The following PPARGC1A variants were observed in gnomAD, a reference collection of about 807,000 sequenced individuals.
PPARGC1A encodes the protein peroxisome proliferator-activated receptor gamma coactivator 1-alpha.
In PPARGC1A, 25 loss-of-function variants were observed where a neutral mutation model predicts 88.7. The ratio of observed to expected loss-of-function variants is 0.28; its 90% CI spans 0.21 to 0.39. PPARGC1A has a LOEUF of 0.39. Among genes scored for constraint, PPARGC1A ranks in the 10% least tolerant of loss-of-function variants. The probability of loss-of-function intolerance (pLI) is 1.00; values close to 1 mark genes in which losing one functional copy is unlikely to be tolerated. For synonymous variants in PPARGC1A, 363 were observed against 355.6 expected, an observed-to-expected ratio of 1.02 and a Z score of -0.24; for missense variants, 880 against 968.7, an observed-to-expected ratio of 0.91 and a Z score of 1.22.
chr4:23,792,306 G>T lies in PPARGC1A; in HGVS notation c.*3516C>A. 1 of 152,614 alleles carries T rather than the reference G, an allele frequency of 6.6e-6. No homozygotes were observed. Among genetic ancestry groups the T allele is most frequent in the Non-Finnish European group, 1.5e-5 (1 of 68,018 alleles). 9.5% of individuals were successfully genotyped at this position (152,614 alleles called of 1,614,324 possible). ...TGTCTGTCACATAGGTACAAATTTA[G>T]AATCATCACATTATAGTACATGGCT... is the stretch of plus-strand genomic sequence containing the variant. On this transcript the variant is annotated 3_prime_UTR_variant, in exon 13 of 13. Transcript: ENST00000264867.
chr4:24,017,660 T>C, the PPARGC1A span, among the ~76,000 whole-genome samples: 2 of 152,112 alleles, frequency 1.3e-5, no homozygotes, highest in African/African-American at 4.8e-5. Flanking sequence ...AATAAAACAG[T>C]TTTTAGCAAT....
chr4:24,110,950 G>A, the PPARGC1A span, among the ~76,000 whole-genome samples: 1 of 152,076 alleles, frequency 6.6e-6, no homozygotes, highest in Non-Finnish European at 1.5e-5. Context: ...TAGATATTCT[G>A]GTAGGTCATT....
At chr4:24,204,475 G>C in the PPARGC1A span, among the ~76,000 whole-genome samples, 1 of 152,056 alleles carries the variant, frequency 6.6e-6, no homozygotes, top group South Asian at 2.1e-4. Context: ...GGGAAGGAAG[G>C]GAGGAGGAAA....
At chr4:24,244,443 T>C in the PPARGC1A span, among the ~76,000 whole-genome samples, 1 of 152,244 alleles carries the variant, frequency 6.6e-6, no homozygotes, top group African/African-American at 2.4e-5. Flanking sequence ...GCCTTCTTAA[T>C]AGGTGAAGAG....
the PPARGC1A span, among the ~76,000 whole-genome samples, chr4:23,910,868 G>T: frequency 3.3e-5 from 5 of 152,114 alleles, no homozygotes; most frequent in Admixed American, 6.5e-5. Flanking sequence ...CTTGCTCAGG[G>T]TTACACATGT....
chr4:24,387,978 G>C, the PPARGC1A span, among the ~76,000 whole-genome samples: 1 of 149,960 alleles, frequency 6.7e-6, no homozygotes, highest in African/African-American at 2.5e-5. Context: ...GAGAAAGGGA[G>C]GGAGGGAGAG....
the PPARGC1A span, among the ~76,000 whole-genome samples, chr4:24,373,031 G>A: frequency 6.6e-6 from 1 of 152,232 alleles, no homozygotes; most frequent in African/African-American, 2.4e-5. Flanking sequence ...CATGAGCATC[G>A]TCTTCCCTCC....
At chr4:24,386,003 G>A in the PPARGC1A span, among the ~76,000 whole-genome samples, 1 of 152,120 alleles carries the variant, frequency 6.6e-6, no homozygotes, top group East Asian at 1.9e-4. Context: ...ATAAAATGCT[G>A]GCAAATTGGA....
chr4:24,381,025 G>A, the PPARGC1A span, among the ~76,000 whole-genome samples: 1 of 151,950 alleles, frequency 6.6e-6, no homozygotes, highest in Non-Finnish European at 1.5e-5. Flanking sequence ...ATAGAAGATT[G>A]GGCTAAATGA....
At chr4:23,949,165 CAG>C in the PPARGC1A span, among the ~76,000 whole-genome samples, 1 of 152,122 alleles carries the variant, frequency 6.6e-6, no homozygotes, top group African/African-American at 2.4e-5. Context: ...ACAGACCACT[CAG>C]AAACTCAAGG....
chr4:24,312,157 G>A, the PPARGC1A span, among the ~76,000 whole-genome samples: 1 of 152,096 alleles, frequency 6.6e-6, no homozygotes, highest in Non-Finnish European at 1.5e-5. Flanking sequence ...AAGAACTCTT[G>A]CCCAGTAATG....
chr4:24,162,652 T>C, the PPARGC1A span, among the ~76,000 whole-genome samples: 3 of 149,146 alleles, frequency 2.0e-5, no homozygotes, highest in East Asian at 4.0e-4. Context: ...ACTGCAGTGG[T>C]GCAATCTCAG....
the PPARGC1A span, among the ~76,000 whole-genome samples, chr4:23,938,246 G>C: frequency 1.3e-5 from 2 of 152,152 alleles, no homozygotes; most frequent in Non-Finnish European, 2.9e-5. Flanking sequence ...TCTTGAGTAA[G>C]AATTGTTACA....
chr4:24,333,145 G>C, the PPARGC1A span, among the ~76,000 whole-genome samples: 2 of 152,276 alleles, frequency 1.3e-5, no homozygotes, highest in East Asian at 1.9e-4. Flanking sequence ...AGGAGGCTGA[G>C]AGGCATGAGA....
chr4:24,224,707 C>G, the PPARGC1A span, among the ~76,000 whole-genome samples: 2 of 152,074 alleles, frequency 1.3e-5, no homozygotes, highest in Middle Eastern at 3.2e-3. Context: ...GTGGAGATGA[C>G]TGATCATAAT....
the PPARGC1A span, among the ~76,000 whole-genome samples, chr4:23,952,835 G>A: frequency 1.3e-5 from 2 of 151,904 alleles, no homozygotes; most frequent in Non-Finnish European, 2.9e-5. Context: ...GTGGCTATTT[G>A]TTCTCTTTAC....
the PPARGC1A span, among the ~76,000 whole-genome samples, chr4:23,933,374 T>C: frequency 6.6e-6 from 1 of 152,222 alleles, no homozygotes; most frequent in African/African-American, 2.4e-5. Context: ...CCTGGTAAGT[T>C]ATACTATTAT....
chr4:24,066,849 GTTTT>G, the PPARGC1A span, among the ~76,000 whole-genome samples: 26 of 100,870 alleles, frequency 2.6e-4, no homozygotes, highest in South Asian at 6.5e-4. Flanking sequence ...TTTGTTTTGG[GTTTT>G]TTTTTTTTTT....
At chr4:24,192,033 G>A in the PPARGC1A span, among the ~76,000 whole-genome samples, 1 of 152,118 alleles carries the variant, frequency 6.6e-6, no homozygotes, top group African/African-American at 2.4e-5. Context: ...ATCTGAACTT[G>A]TATCCCACCT....
Sources: allele counts gnomAD v4.1 joint callset (sites outside exome capture counted in the v4.1 genomes callset), GRCh38; gene constraint gnomAD v4.1.1; transcripts MANE v1.5; gene names NCBI Gene and HGNC (gene_info 2026-07-23, HGNC 2026-07-21).